CSMD3: variants seen among roughly 807,000 people sequenced by gnomAD.
CSMD3 encodes CUB and sushi domain-containing protein 3.
In CSMD3, 177 loss-of-function variants were observed where a neutral mutation model predicts 435.2. That is an observed-to-expected ratio of 0.41 (90% CI 0.36 to 0.46). The LOEUF (loss-of-function observed/expected upper bound fraction) is 0.46, where lower values mean the gene tolerates loss of function less well. Ranked by LOEUF, CSMD3 falls within the 20% of genes least tolerant of loss-of-function variation. The pLI, the probability that CSMD3 is intolerant of heterozygous loss-of-function variation, is 0.34. For synonymous variants in CSMD3, 1,656 were observed against 1,520.5 expected (o/e 1.09, Z -2.07); for missense variants, 4,265 against 4,504.6 (o/e 0.95, Z 1.52).
chr8:112,592,617 G>A (rs565874723), intron 22 of CSMD3, among the ~76,000 whole-genome samples: 5 of 151,996 alleles, frequency 3.3e-5, no homozygotes, highest in South Asian at 2.1e-4. Context: ...TAATTGAAAC[G>A]CTTAAATTCA....
chr8:113,393,251 C>CTTTTG (rs2094469298), intron 1 of CSMD3, among the ~76,000 whole-genome samples: 1 of 151,658 alleles, frequency 6.6e-6, no homozygotes, highest in Non-Finnish European at 1.5e-5. Flanking sequence ...TTTTGGCAAC[C>CTTTTG]AACATTTTGA....
At chr8:112,970,051 T>TA (rs1199615625) in intron 7 of CSMD3, among the ~76,000 whole-genome samples, 4 of 152,088 alleles carry the variant, frequency 2.6e-5, no homozygotes, top group Non-Finnish European at 4.4e-5. Context: ...ACTGGGTTTT[T>TA]ATACAGTTTC....
In CSMD3 at chr8:112,994,360, C is replaced by A. The variant is rs550570468; in HGVS notation, c.1031-18212G>T. ...GTGAAGAATAGCTACATACAAAAGACAACTAAAAACTGGAAAGGACCACAC... is the reference window on the plus strand; with the variant it reads ...GTGAAGAATAGCTACATACAAAAGAAAACTAAAAACTGGAAAGGACCACAC... On this transcript the variant is annotated intron_variant, in intron 6 of 70. Transcript: ENST00000297405. Among the ~76,000 whole-genome samples, 14 of 151,484 alleles carry A rather than the reference C, an allele frequency of 9.2e-5. No homozygotes were observed. In the Admixed American group the frequency reaches 9.3e-4, roughly 10 times the overall value.
intron 32 of CSMD3, among the ~76,000 whole-genome samples, chr8:112,453,770 T>A (rs1203083082): frequency 1.3e-5 from 2 of 152,094 alleles, no homozygotes; most frequent in Non-Finnish European, 2.9e-5. Context: ...ATTCTAAAAT[T>A]CATACGAAAC....
intron 27 of CSMD3, among the ~76,000 whole-genome samples, chr8:112,519,984 G>A (rs889729170): frequency 3.3e-5 from 5 of 151,990 alleles, no homozygotes; most frequent in East Asian, 1.9e-4. Flanking sequence ...AAAATCAGAC[G>A]AGCAGTTATC....
intron 12 of CSMD3, among the ~76,000 whole-genome samples, chr8:112,808,726 G>T (rs1022811733): frequency 6.6e-6 from 1 of 152,012 alleles, no homozygotes; most frequent in Non-Finnish European, 1.5e-5. Flanking sequence ...ACTTCTGTAA[G>T]ATTGCTTCAG....
intron 10 of CSMD3, among the ~76,000 whole-genome samples, chr8:112,879,751 G>A (rs1208811406): frequency 3.9e-5 from 6 of 152,036 alleles, no homozygotes; most frequent in Non-Finnish European, 7.4e-5. Flanking sequence ...AGTATCAGGT[G>A]CTGGTTCCCC....
chr8:113,177,661 A>G lies in CSMD3; in HGVS notation c.515-3745T>C, dbSNP rs77859488. On this transcript the variant is annotated intron_variant, in intron 3 of 70. Transcript: ENST00000297405. ...ATGAACTGAGATCACTGGAAAATAA[A>G]CCTGAAGAATTTGTACTCAAAATAT... is the stretch of plus-strand genomic sequence containing the variant. 5.9e-5 allele frequency among the ~76,000 whole-genome samples: 9 copies of G among 152,104 alleles called. No homozygotes were observed. The East Asian group carries it at 1.7e-3, about 30-fold the overall frequency.
chr8:112,977,757 A>G lies in CSMD3; in HGVS notation c.1031-1609T>C, dbSNP rs148666193. On this transcript the variant is annotated intron_variant, in intron 6 of 70. Coordinates refer to ENST00000297405, the MANE Select transcript of CSMD3 (RefSeq NM_198123.2). ...AAATATTTTAATGTTTTTAAGCATG[A>G]ATCAGATAGCTTCTATTGAATATTT... Among the ~76,000 whole-genome samples, 121 of 152,248 alleles carry G rather than the reference A, an allele frequency of 7.9e-4. 3 individuals carry two copies. The East Asian group carries it at 0.023, about 28-fold the overall frequency.
At chr8:112,552,813 G>A (rs2131203854) in intron 25 of CSMD3, 93 bp from the exon 26 acceptor site, 1 of 1,132,852 alleles carries the variant, frequency 8.8e-7, no homozygotes, top group Non-Finnish European at 1.3e-6. Flanking sequence ...AAAGAATACT[G>A]ATTTTCTTGT....
intron 22 of CSMD3, among the ~76,000 whole-genome samples, chr8:112,632,018 G>A (rs901141678): frequency 6.6e-6 from 1 of 152,018 alleles, no homozygotes; most frequent in Middle Eastern, 3.4e-3. Context: ...ACATATGTGG[G>A]CATCTGATAG....
Position 112,550,658 on chromosome 8 carries a change from T to C in CSMD3, c.4564+13A>G, listed in dbSNP as rs745554883. ...CCTATTTTGCATTGAAGAAATTTTT[T>C]GAAAAAACTTACTTGAAAACTGAAT... On this transcript the variant is annotated intron_variant, in intron 27 of 70. Transcript: ENST00000297405. 4 of 1,512,060 alleles carry C rather than the reference T, an allele frequency of 2.6e-6. No individual in the cohort carries two copies. The highest frequency in any genetic ancestry group is 1.1e-5 in the South Asian group (1 of 88,928). 93.7% of individuals were successfully genotyped at this position (1,512,060 alleles called of 1,614,324 possible).
rs1314470092 is a variant in CSMD3, at chr8:113,150,487, A to C, written c.709+23235T>G. Among the ~76,000 whole-genome samples the C allele has an allele frequency of 2.6e-5, 4 of 151,932 alleles. No homozygotes were observed. The East Asian group carries it at 7.8e-4, about 30-fold the overall frequency. On this transcript the variant is annotated intron_variant, in intron 4 of 70. Coordinates refer to ENST00000297405, the MANE Select transcript of CSMD3 (RefSeq NM_198123.2). ...AGGAACCGAATTCTGACAATCAATA[A>C]TCTTGGAAGATGAAATTGCAGCTGT...
intron 32 of CSMD3, among the ~76,000 whole-genome samples, chr8:112,420,759 AG>A (rs1187975456): frequency 2.4e-4 from 37 of 152,302 alleles, no homozygotes; most frequent in African/African-American, 7.7e-4. Context: ...TTACCTCTAG[AG>A]GTGAGAGAGA....
intron 3 of CSMD3, among the ~76,000 whole-genome samples, chr8:113,233,760 A>AT (rs2093116924): frequency 6.6e-6 from 1 of 152,056 alleles, no homozygotes; most frequent in Non-Finnish European, 1.5e-5. Flanking sequence ...GCATTGTCTA[A>AT]TAGCAGACAA....
intron 1 of CSMD3, among the ~76,000 whole-genome samples, chr8:113,338,114 C>T (rs2094090767): frequency 6.6e-6 from 1 of 151,566 alleles, no homozygotes; most frequent in South Asian, 2.1e-4. Flanking sequence ...ATGAAATAAA[C>T]AAGCCAAGCA....
At chr8:113,249,710 C>T (rs1348704671) in intron 3 of CSMD3, among the ~76,000 whole-genome samples, 1 of 151,792 alleles carries the variant, frequency 6.6e-6, no homozygotes, top group African/African-American at 2.4e-5. Flanking sequence ...CTCTGAGCTC[C>T]CAAAACTGTT....
chr8:112,983,429 C>G (rs1313158881), intron 6 of CSMD3, among the ~76,000 whole-genome samples: 1 of 151,328 alleles, frequency 6.6e-6, no homozygotes, highest in South Asian at 2.1e-4. Context: ...AACCAAGAAA[C>G]TACGCTTATC....
intron 32 of CSMD3, among the ~76,000 whole-genome samples, chr8:112,469,734 C>A (rs964162229): frequency 6.6e-6 from 1 of 152,140 alleles, no homozygotes; most frequent in Non-Finnish European, 1.5e-5. Context: ...TCCTGCTGTG[C>A]GGCCCAGTTC....
Sources: gnomAD v4.1 joint callset for allele counts (sites outside exome capture counted in the v4.1 genomes callset) on GRCh38, gnomAD v4.1.1 for gene constraint, MANE v1.5 for transcripts, NCBI Gene and HGNC (gene_info 2026-07-23, HGNC 2026-07-21) for gene names.